The following SACS variants were observed in gnomAD, a reference collection of about 807,000 sequenced individuals.
SACS encodes the protein sacsin molecular chaperone, also known as sacsin.
In SACS, 197 loss-of-function variants were observed where a neutral mutation model predicts 348.0. The ratio of observed to expected loss-of-function variants is 0.57; its 90% CI spans 0.50 to 0.64. The LOEUF is 0.64. Ranked by LOEUF, SACS falls within the 30% of genes least tolerant of loss-of-function variation. The probability of loss-of-function intolerance (pLI) is 0.00; values close to 1 mark genes in which losing one functional copy is unlikely to be tolerated. For missense variants in SACS, 4,999 were observed against 5,360.8 expected, an observed-to-expected ratio of 0.93 and a Z score of 2.11; for synonymous variants, 1,985 against 1,910.6, an observed-to-expected ratio of 1.04 and a Z score of -1.02.
In SACS at chr13:23,333,622, G is replaced by A. The variant is rs139268069; in HGVS notation, c.10254C>T (p.Gly3418=). ...KSLPCYKSIS[G]RYVSIGKFGT... ...CAAATTTTCCAATGCTTACATAGCG[G>A]CCACTGATGGATTTATAGCACGGAA... Residue 3418 remains glycine, a synonymous_variant, in exon 10 of 10, where the codon GGC becomes GGT. Transcript: ENST00000382292. The A allele has an allele frequency of 2.5e-6, 4 of 1,613,714 alleles. No homozygotes were observed. The African/African-American group carries it at 5.3e-5, about 22-fold the overall frequency.
chr13:23,411,522 T>C lies in SACS; in HGVS notation c.-283A>G, dbSNP rs906397704. 5 of 431,072 alleles carry C rather than the reference T, an allele frequency of 1.2e-5. No homozygotes were observed. The Admixed American group carries it at 1.7e-4, about 15-fold the overall frequency. 26.7% of individuals were successfully genotyped at this position (431,072 alleles called of 1,614,324 possible). On this transcript the variant is annotated 5_prime_UTR_variant, in exon 2 of 10. Transcript: ENST00000382292. ...TGGAAGTTCTCAGGATAAAACAGTG[T>C]GGATTCGCTAAAGGTTTTTGGCTTT...
intron 9 of SACS, among the ~76,000 whole-genome samples, chr13:23,352,618 T>C (rs536044938): frequency 1.3e-5 from 2 of 152,132 alleles, no homozygotes; most frequent in East Asian, 3.9e-4. Context: ...AACACAAAAT[T>C]TTAACAAAAA....
intron 9 of SACS, 60 bp downstream of exon 9, chr13:23,353,724 CT>C: frequency 1.0e-6 from 1 of 966,222 alleles, no homozygotes; most frequent in Non-Finnish European, 1.6e-6. Context: ...TAACAGAAAA[CT>C]TTTAAAAAAC....
chr13:23,421,565 T>C (rs1873941296), intron 1 of SACS, among the ~76,000 whole-genome samples: 1 of 152,106 alleles, frequency 6.6e-6, no homozygotes, highest in Non-Finnish European at 1.5e-5. Context: ...GAGTCCTCGG[T>C]ATCCTCTGTG....
chr13:23,428,952 T>G (rs1746426034), intron 1 of SACS: 1 of 152,214 alleles, frequency 6.6e-6, no homozygotes, highest in South Asian at 2.1e-4. Flanking sequence ...GCTTGTCAAC[T>G]GGCAGAGCTA....
At chr13:23,414,140 T>C (rs1019931257) in intron 1 of SACS, among the ~76,000 whole-genome samples, 1 of 152,020 alleles carries the variant, frequency 6.6e-6, no homozygotes, top group Non-Finnish European at 1.5e-5. Flanking sequence ...CCGTCTCTAC[T>C]AAAAATACAA....
At chr13:23,364,355 A>C (rs1870929893) in intron 6 of SACS, among the ~76,000 whole-genome samples, 1 of 152,210 alleles carries the variant, frequency 6.6e-6, no homozygotes, top group African/African-American at 2.4e-5. Context: ...ATCTCGGCTC[A>C]CTACAACCTC....
At position 23,337,353 on chromosome 13, in the gene SACS, T is replaced by C; in HGVS notation, c.6523A>G (p.Lys2175Glu). The C allele has an allele frequency of 6.2e-7, 1 of 1,614,006 alleles. No homozygotes were observed. Residue 2175 changes from lysine to glutamate, a missense_variant, in exon 10 of 10, where the codon AAA becomes GAA. Coordinates refer to ENST00000382292, the MANE Select transcript of SACS (RefSeq NM_014363.6). ...AGGCATGCAGCAACATGATCACTTTTATTAATTTCAGCTACTGACACTGCA... is the reference window on the plus strand; with the variant it reads ...AGGCATGCAGCAACATGATCACTTTCATTAATTTCAGCTACTGACACTGCA... ...ERAVSVAEINKSDHVAACLRS... is the reference protein window; with the variant it reads ...ERAVSVAEINESDHVAACLRS...
intron 8 of SACS, 21 bp downstream of exon 8, chr13:23,354,498 T>C: frequency 5.0e-6 from 8 of 1,607,276 alleles, no homozygotes; most frequent in Non-Finnish European, 6.8e-6. Flanking sequence ...TGAACAGGAA[T>C]GTTAGAAGGG....
chr13:23,337,926 T>G lies in SACS; in HGVS notation c.5950A>C (p.Thr1984Pro). 1 of 1,613,968 alleles carries G rather than the reference T, an allele frequency of 6.2e-7. No individual in the cohort carries two copies. The change falls in exon 10 of 10, where the codon ACT becomes CCT. Residue 1984 changes from threonine to proline, a missense_variant. This residue lies in a region of SACS where 3,156 missense variants were observed against 3,380.1 expected (regional missense o/e 0.93). Transcript: ENST00000382292. ...CTTACGTTCTTCATGGAAACCCAAG[T>G]AGATCCATCAGAGAAGACTTTGGTC... ...ELTKVFSDGS[T>P]WVSMKNVRFL...
chr13:23,413,222 C>G (rs570424630), intron 1 of SACS, among the ~76,000 whole-genome samples: 1 of 152,156 alleles, frequency 6.6e-6, no homozygotes, highest in South Asian at 2.1e-4. Context: ...AGGTGATGCG[C>G]CTGCCCTAGC....
At chr13:23,395,354 A>G (rs913444625) in intron 2 of SACS, among the ~76,000 whole-genome samples, 6 of 152,096 alleles carry the variant, frequency 3.9e-5, no homozygotes, top group Non-Finnish European at 8.8e-5. Flanking sequence ...TTCCTTCCTT[A>G]TGGCATAATT....
intron 2 of SACS, among the ~76,000 whole-genome samples, chr13:23,379,017 C>G (rs1464894395): frequency 6.6e-6 from 1 of 152,230 alleles, no homozygotes; most frequent in African/African-American, 2.4e-5. Context: ...TCTTGCTACT[C>G]TTCCAGTCAG....
In SACS at chr13:23,428,909, T is replaced by C. The variant is rs574025038; in HGVS notation, c.-502+4706A>G. The stretch of plus-strand genomic sequence containing the variant: ...TTTACAGATAATAAAACTACACATA[T>C]TTTGTATGTAGTTTATCTGGCCTCA... On this transcript the variant is annotated intron_variant, in intron 1 of 9. Transcript: ENST00000382292. 5 of 152,332 alleles carry C rather than the reference T, an allele frequency of 3.3e-5. No homozygotes were observed. In the East Asian group the frequency reaches 9.6e-4, roughly 29 times the overall value. 9.4% of individuals were successfully genotyped at this position (152,332 alleles called of 1,614,324 possible).
In SACS at chr13:23,336,132, G is replaced by A. The variant is rs1385135442; in HGVS notation, c.7744C>T (p.Pro2582Ser). The change falls in exon 10 of 10, where the codon CCA becomes TCA. Residue 2582 changes from proline to serine, a missense_variant. By Grantham distance (74) the Pro-to-Ser change is moderately conservative. Coordinates refer to ENST00000382292, the MANE Select transcript of SACS (RefSeq NM_014363.6). Reference protein sequence around the residue: ...VDRIFDDKWAPLQGPALCVYN... With the variant: ...VDRIFDDKWASLQGPALCVYN... Reference sequence around the variant, plus strand: ...ACACAAAGTGCTGGCCCTTGCAATGGGGCCCACTTATCATCAAATATTCTA... The same window carrying A: ...ACACAAAGTGCTGGCCCTTGCAATGAGGCCCACTTATCATCAAATATTCTA... 4.3e-6 allele frequency: 7 copies of A among 1,612,898 alleles called. No individual in the cohort carries two copies. Among genetic ancestry groups the A allele is most frequent in the Non-Finnish European group, 5.9e-6 (7 of 1,179,226 alleles).
In SACS at chr13:23,419,548, C is replaced by G. The variant is rs147173551; in HGVS notation, c.-501-7808G>C. Among the ~76,000 whole-genome samples the G allele has an allele frequency of 1.4e-3, 216 of 152,098 alleles. 3 individuals carry two copies. In the East Asian group the frequency reaches 0.017, roughly 12 times the overall value. On this transcript the variant is annotated intron_variant, in intron 1 of 9. Transcript: ENST00000382292. The stretch of plus-strand genomic sequence containing the variant: ...CGGGCGTGTTATGTCTCCATGTCAC[C>G]CTTTACTTCTTGGATTTCTTGGTGT...
rs968138431 is a variant in SACS at position 23,375,131 on chromosome 13, G to C, written c.159C>G (p.Arg53=). 10 of 1,497,358 alleles carry C rather than the reference G, an allele frequency of 6.7e-6. No individual in the cohort carries two copies. The Admixed American group carries it at 9.2e-5, about 14-fold the overall frequency. 92.8% of individuals were successfully genotyped at this position (1,497,358 alleles called of 1,614,324 possible). Reference sequence around the variant, plus strand: ...GGCCACCGCCTACCTCGCGGCCGCCGCGCCACAGCCGCTGCTCCGACACCG... The same window carrying C: ...GGCCACCGCCTACCTCGCGGCCGCCCCGCCACAGCCGCTGCTCCGACACCG... ...GFPVSEQRLW[R]GGRELSDWIK... Residue 53 remains arginine (R), a synonymous_variant, in exon 3 of 10, where the codon CGC becomes CGG. Transcript: ENST00000382292.
rs2137586200 is a variant in SACS, at chr13:23,334,693, G to A, written c.9183C>T (p.Leu3061=). 3 of 1,613,662 alleles carry A rather than the reference G, an allele frequency of 1.9e-6. No individual in the cohort carries two copies. Among genetic ancestry groups the A allele is most frequent in the Non-Finnish European group, 2.5e-6 (3 of 1,179,740 alleles). ...VAENVYRLKH[L]LLEIGFNLVY... ...CCAAGTTGAAACCAATTTCTAAAAG[G>A]AGATGTTTCAGCCTATAGACATTCT... The change falls in exon 10 of 10, where the codon CTC becomes CTT. Residue 3061 remains leucine (L), a synonymous_variant. Coordinates refer to ENST00000382292, the MANE Select transcript of SACS (RefSeq NM_014363.6).
At position 23,339,676 on chromosome 13, in the gene SACS, A is replaced by G. The variant is rs972483882; in HGVS notation, c.4200T>C (p.Tyr1400=). 1.2e-6 allele frequency: 2 copies of G among 1,613,966 alleles called. No individual in the cohort carries two copies. The highest frequency in any genetic ancestry group is 2.2e-5 in the East Asian group (1 of 44,876). Residue 1400 remains tyrosine (Y), a synonymous_variant, in exon 10 of 10, where the codon TAT becomes TAC. Coordinates refer to ENST00000382292, the MANE Select transcript of SACS (RefSeq NM_014363.6). ...LIMKPIHECC[Y]CDIKVDDLND... The stretch of plus-strand genomic sequence containing the variant: ...TAAGGTCATCAACTTTAATGTCACA[A>G]TAACAGCATTCGTGAATTGGCTTCA...
Sources: gnomAD v4.1 joint callset for allele counts (sites outside exome capture counted in the v4.1 genomes callset) on GRCh38, gnomAD v4.1.1 for gene constraint, gnomAD v4.1.1 regional missense constraint, MANE v1.5 for transcripts, NCBI Gene and HGNC (gene_info 2026-07-23, HGNC 2026-07-21) for gene names.